The following EHBP1 variants were observed in gnomAD, a reference collection of about 807,000 sequenced individuals.
The protein encoded by EHBP1 is EH domain-binding protein 1.
Under a neutral mutation model 144.0 loss-of-function variants are expected in EHBP1, and 55 were observed. That is an observed-to-expected ratio of 0.38 (90% CI 0.31 to 0.48). The LOEUF (loss-of-function observed/expected upper bound fraction) is 0.48, where lower values mean the gene tolerates loss of function less well. Among genes scored for constraint, EHBP1 ranks in the 20% least tolerant of loss-of-function variants. The pLI is 0.98. For missense variants in EHBP1, 1,200 were observed against 1,364.2 expected, an observed-to-expected ratio of 0.88 and a Z score of 1.90; for synonymous variants, 469 against 472.7, an observed-to-expected ratio of 0.99 and a Z score of 0.10.
intron 2 of EHBP1, among the ~76,000 whole-genome samples, chr2:62,725,928 G>A (rs976072347): frequency 2.4e-4 from 37 of 152,088 alleles, no homozygotes; most frequent in African/African-American, 8.2e-4. Flanking sequence ...TAGCATAGGA[G>A]CTAAGTTGTG....
At chr2:62,875,640 C>T (rs1453403776) in intron 10 of EHBP1, among the ~76,000 whole-genome samples, 1 of 152,078 alleles carries the variant, frequency 6.6e-6, no homozygotes, top group Non-Finnish European at 1.5e-5. Context: ...TTAACCAGGC[C>T]AAAATGGCTA....
chr2:62,894,287 A>G (rs2052700948), intron 10 of EHBP1, among the ~76,000 whole-genome samples: 1 of 152,204 alleles, frequency 6.6e-6, no homozygotes. Context: ...TATAATAGAG[A>G]TAAGCTAGTG....
At chr2:62,704,868 C>T (rs1328903242), upstream of EHBP1, among the ~76,000 whole-genome samples, 3 of 152,218 alleles carry the variant, frequency 2.0e-5, no homozygotes, top group African/African-American at 7.2e-5. Flanking sequence ...TCCCTGCCCT[C>T]ACTCTGCCTC....
intron 1 of EHBP1, among the ~76,000 whole-genome samples, chr2:62,695,367 A>T (rs2034049987): frequency 6.6e-6 from 1 of 152,108 alleles, no homozygotes. Context: ...TCTCAAAAAG[A>T]GAAAAAAAAA....
intron 19 of EHBP1, among the ~76,000 whole-genome samples, chr2:63,025,750 C>G (rs1162741787): frequency 1.3e-5 from 2 of 152,062 alleles, no homozygotes; most frequent in East Asian, 3.9e-4. Flanking sequence ...CTGAACATAT[C>G]CTGGGGATTA....
chr2:62,865,568 A>T (rs1282561623), intron 9 of EHBP1, among the ~76,000 whole-genome samples: 1 of 152,218 alleles, frequency 6.6e-6, no homozygotes, highest in East Asian at 1.9e-4. Context: ...CCATGACATT[A>T]AGTGTGTTTT....
chr2:62,985,156 C>A (rs1314423240), intron 15 of EHBP1, among the ~76,000 whole-genome samples: 1 of 152,100 alleles, frequency 6.6e-6, no homozygotes. Flanking sequence ...GGGGTTATAA[C>A]AGTCTCCAAC....
At chr2:62,727,264 T>C (rs148374595) in intron 2 of EHBP1, among the ~76,000 whole-genome samples, 4 of 152,170 alleles carry the variant, frequency 2.6e-5, no homozygotes, top group African/African-American at 9.7e-5. Context: ...GTAACCAGTT[T>C]TGTTATTCTG....
intron 12 of EHBP1, 107 bp downstream of exon 12, chr2:62,943,957 C>T: frequency 1.4e-6 from 1 of 712,880 alleles, no homozygotes. Flanking sequence ...ATAACTACAA[C>T]TCACAGAGGG....
At chr2:62,945,341 G>A (rs180954392) in intron 12 of EHBP1, among the ~76,000 whole-genome samples, 8 of 152,246 alleles carry the variant, frequency 5.3e-5, no homozygotes, top group African/African-American at 1.7e-4. Flanking sequence ...GGGACCCATT[G>A]CCAAAAGGGT....
At chr2:62,966,654 T>C (rs1449409139) in intron 14 of EHBP1, among the ~76,000 whole-genome samples, 1 of 152,182 alleles carries the variant, frequency 6.6e-6, no homozygotes, top group African/African-American at 2.4e-5. Flanking sequence ...TATTAAAAAT[T>C]TAGTGTACAT....
intron 5 of EHBP1, among the ~76,000 whole-genome samples, chr2:62,794,414 A>G (rs2043392470): frequency 1.3e-5 from 2 of 152,110 alleles, no homozygotes; most frequent in South Asian, 2.1e-4. Context: ...ACAGCATTTT[A>G]CATTTCTCAC....
intron 10 of EHBP1, among the ~76,000 whole-genome samples, chr2:62,905,011 A>C (rs1230381436): frequency 6.6e-6 from 1 of 152,220 alleles, no homozygotes; most frequent in Non-Finnish European, 1.5e-5. Context: ...TCAGAAAGGA[A>C]GATAAGAGTG....
At chr2:62,895,066 G>T (rs957434539) in intron 10 of EHBP1, among the ~76,000 whole-genome samples, 1 of 152,138 alleles carries the variant, frequency 6.6e-6, no homozygotes, top group East Asian at 1.9e-4. Context: ...GCTACATTTG[G>T]TATCATTCTA....
At chr2:62,763,003 G>A (rs1573205899) in intron 3 of EHBP1, among the ~76,000 whole-genome samples, 1 of 151,970 alleles carries the variant, frequency 6.6e-6, no homozygotes, top group Non-Finnish European at 1.5e-5. Context: ...TGACCACTCT[G>A]TTCCAGCCAC....
intron 10 of EHBP1, among the ~76,000 whole-genome samples, chr2:62,924,660 T>C (rs183155572): frequency 1.3e-5 from 2 of 152,090 alleles, no homozygotes; most frequent in Non-Finnish European, 2.9e-5. Context: ...CAAGAAGAAA[T>C]AGAAAACCTT....
chr2:62,736,634 A>G (rs564491117), intron 2 of EHBP1, among the ~76,000 whole-genome samples: 17 of 152,056 alleles, frequency 1.1e-4, no homozygotes, highest in Non-Finnish European at 2.1e-4. Flanking sequence ...ATCATTCTTC[A>G]TTTCCATCGT....
chr2:62,960,896 G>A (rs145717736), intron 14 of EHBP1, among the ~76,000 whole-genome samples: 43 of 152,174 alleles, frequency 2.8e-4, no homozygotes, highest in African/African-American at 9.6e-4. Context: ...TTCTCGAATC[G>A]TACATTATGA....
intron 5 of EHBP1, among the ~76,000 whole-genome samples, chr2:62,812,652 G>T (rs180769991): frequency 6.6e-6 from 1 of 152,250 alleles, no homozygotes; most frequent in East Asian, 1.9e-4. Flanking sequence ...AAGTTGCAAA[G>T]AATTTGGCTA....
Sources: gnomAD v4.1 joint callset for allele counts (sites outside exome capture counted in the v4.1 genomes callset) on GRCh38, gnomAD v4.1.1 for gene constraint, MANE v1.5 for transcripts, NCBI Gene and HGNC (gene_info 2026-07-23, HGNC 2026-07-21) for gene names.